Variants in NDST4 observed in about 807,000 individuals in gnomAD.
NDST4 encodes N-deacetylase and N-sulfotransferase 4, also known as N-heparan sulfate sulfotransferase 4.
Under a neutral mutation model 100.8 loss-of-function variants are expected in NDST4, and 63 were observed. The ratio of observed to expected loss-of-function variants is 0.62; its 90% CI spans 0.51 to 0.77. The LOEUF (loss-of-function observed/expected upper bound fraction) is 0.77, where lower values mean the gene tolerates loss of function less well. Among genes scored for constraint, NDST4 ranks in the 30% least tolerant of loss-of-function variants. NDST4 has a pLI of 0.00. For missense variants in NDST4, 943 were observed against 1,018.4 expected (o/e 0.93, Z 1.01); for synonymous variants, 377 against 361.8 (o/e 1.04, Z -0.48).
At chr4:115,075,349 C>T (rs914883016) in intron 2 of NDST4, among the ~76,000 whole-genome samples, 4 of 152,104 alleles carry the variant, frequency 2.6e-5, no homozygotes, top group African/African-American at 7.2e-5. Flanking sequence ...AATTTTCAAA[C>T]CCGAGTTTGG....
chr4:114,848,461 C>T, intron 8 of NDST4, 123 bp from the exon 9 acceptor site: 3 of 763,242 alleles, frequency 3.9e-6, no homozygotes, highest in African/African-American at 1.8e-5. Context: ...AAGTGATTTC[C>T]TTAAAATCAA....
At chr4:115,017,261 C>T (rs552116462) in intron 2 of NDST4, among the ~76,000 whole-genome samples, 2 of 152,128 alleles carry the variant, frequency 1.3e-5, no homozygotes, top group East Asian at 3.9e-4. Context: ...CATACTATTA[C>T]AAAAACTCAC....
chr4:115,002,442 G>C (rs1727311649), intron 2 of NDST4, among the ~76,000 whole-genome samples: 1 of 152,154 alleles, frequency 6.6e-6, no homozygotes, highest in African/African-American at 2.4e-5. Flanking sequence ...CCATTCTGTA[G>C]GTTGCCTGTT....
intron 11 of NDST4, among the ~76,000 whole-genome samples, chr4:114,836,831 C>A (rs1403753774): frequency 6.6e-6 from 1 of 152,086 alleles, no homozygotes; most frequent in Non-Finnish European, 1.5e-5. Context: ...ATTCTTTGTT[C>A]TCTAATCTTG....
chr4:115,015,872 T>C (rs796623460), intron 2 of NDST4, among the ~76,000 whole-genome samples: 3 of 152,160 alleles, frequency 2.0e-5, no homozygotes, highest in East Asian at 3.9e-4. Context: ...GAGACCAACA[T>C]TGATTTCCTG....
rs73848473 is a variant in NDST4 at position 114,839,574 on chromosome 4, G to T, written c.2116-26C>A. 4.6e-3 allele frequency: 7,400 copies of T among 1,609,666 alleles called. 250 individuals are homozygous for T. In the African/African-American group the frequency reaches 0.081, roughly 18 times the overall value. ...CTTTAACAAGAAAGTCAATTGTAAA[G>T]TTAGATTTTTTTTAATGCCTGTGTA... On this transcript the variant is annotated intron_variant, in intron 10 of 13. Coordinates refer to ENST00000264363, the MANE Select transcript of NDST4 (RefSeq NM_022569.3).
chr4:114,966,925 T>C (rs1412074587), intron 4 of NDST4, among the ~76,000 whole-genome samples: 1 of 152,110 alleles, frequency 6.6e-6, no homozygotes, highest in Non-Finnish European at 1.5e-5. Flanking sequence ...AAGTCATTAC[T>C]ATTTCGAGAG....
chr4:115,093,824 G>T (rs1318424912), intron 1 of NDST4, among the ~76,000 whole-genome samples: 1 of 152,086 alleles, frequency 6.6e-6, no homozygotes, highest in Admixed American at 6.5e-5. Context: ...ACCTGAAAAA[G>T]TCTGAAAATT....
At chr4:115,112,595 C>T (rs1729977435) in intron 1 of NDST4, among the ~76,000 whole-genome samples, 1 of 151,796 alleles carries the variant, frequency 6.6e-6, no homozygotes, top group African/African-American at 2.4e-5. Flanking sequence ...CTTAAAAAAA[C>T]TATGACAGGA....
chr4:114,913,391 C>G (rs758214513), intron 6 of NDST4, among the ~76,000 whole-genome samples: 2 of 151,932 alleles, frequency 1.3e-5, no homozygotes, highest in African/African-American at 2.4e-5. Flanking sequence ...TGGTGCTTCT[C>G]AAACTTTGGT....
intron 7 of NDST4, among the ~76,000 whole-genome samples, chr4:114,868,979 T>C (rs1318590507): frequency 4.7e-5 from 7 of 149,316 alleles, no homozygotes; most frequent in Non-Finnish European, 7.4e-5. Context: ...TCTTATATCT[T>C]CCAAGAATGA....
At chr4:115,098,719 G>A (rs1729670456) in intron 1 of NDST4, among the ~76,000 whole-genome samples, 1 of 151,948 alleles carries the variant, frequency 6.6e-6, no homozygotes, top group African/African-American at 2.4e-5. Flanking sequence ...TTTTTAATCA[G>A]GTTCCCCCTC....
chr4:114,854,630 G>C (rs935748587), intron 7 of NDST4, among the ~76,000 whole-genome samples: 6 of 151,882 alleles, frequency 4.0e-5, no homozygotes. Context: ...CACCACACCC[G>C]GCTAATTTTT....
chr4:114,982,131 A>C (rs1196957340), intron 2 of NDST4, among the ~76,000 whole-genome samples: 2 of 152,230 alleles, frequency 1.3e-5, no homozygotes, highest in East Asian at 1.9e-4. Flanking sequence ...ACTAATACAG[A>C]AAATTGGTAT....
At chr4:114,969,353 G>A (rs913973630) in intron 4 of NDST4, among the ~76,000 whole-genome samples, 5 of 149,890 alleles carry the variant, frequency 3.3e-5, no homozygotes, top group Non-Finnish European at 5.9e-5. Context: ...AAAAAGTTCA[G>A]GGCTATGTGC....
intron 8 of NDST4, among the ~76,000 whole-genome samples, chr4:114,849,764 A>G (rs940629522): frequency 9.2e-5 from 14 of 152,024 alleles, no homozygotes; most frequent in Non-Finnish European, 1.6e-4. Context: ...GTGAAATCGA[A>G]TTATACAAAC....
chr4:115,088,051 C>T (rs1308564392), intron 1 of NDST4, among the ~76,000 whole-genome samples: 1 of 151,832 alleles, frequency 6.6e-6, no homozygotes, highest in Non-Finnish European at 1.5e-5. Flanking sequence ...ATTGAGACAT[C>T]TTTGAAATAT....
intron 2 of NDST4, among the ~76,000 whole-genome samples, chr4:114,989,677 C>T (rs1269052198): frequency 6.6e-6 from 1 of 152,002 alleles, no homozygotes; most frequent in Non-Finnish European, 1.5e-5. Context: ...AATAGGAAAA[C>T]ATGTAGAGGA....
intron 6 of NDST4, among the ~76,000 whole-genome samples, chr4:114,893,177 C>A (rs1346870950): frequency 6.6e-6 from 1 of 152,142 alleles, no homozygotes; most frequent in African/African-American, 2.4e-5. Flanking sequence ...CATGTCTTTG[C>A]TATTGCAAAT....
Sources: allele counts gnomAD v4.1 joint callset (sites outside exome capture counted in the v4.1 genomes callset), GRCh38; gene constraint gnomAD v4.1.1; transcripts MANE v1.5; gene names NCBI Gene and HGNC (gene_info 2026-07-23, HGNC 2026-07-21).